Variants in JAK1 observed in about 807,000 individuals in gnomAD.
The protein encoded by JAK1 is Janus kinase 1.
Under a neutral mutation model 136.6 loss-of-function variants are expected in JAK1, and 16 were observed. The ratio of observed to expected loss-of-function variants is 0.12; its 90% CI spans 0.08 to 0.18. The LOEUF (loss-of-function observed/expected upper bound fraction) is 0.18, where lower values mean the gene tolerates loss of function less well. Among genes scored for constraint, JAK1 ranks in the 10% least tolerant of loss-of-function variants. The pLI, the probability that JAK1 is intolerant of heterozygous loss-of-function variation, is 1.00. For missense variants in JAK1, 859 were observed against 1,450.1 expected (o/e 0.59, Z 6.62); for synonymous variants, 492 against 519.5 (o/e 0.95, Z 0.72).
intron 2 of JAK1, among the ~76,000 whole-genome samples, chr1:65,009,043 T>C (rs1325307502): frequency 6.6e-6 from 1 of 152,236 alleles, no homozygotes; most frequent in Non-Finnish European, 1.5e-5. Context: ...TTAGGAAATA[T>C]ATTTAAATGC....
chr1:64,925,290 G>A (rs1570785653), intron 1 of JAK1, among the ~76,000 whole-genome samples: 1 of 151,490 alleles, frequency 6.6e-6, no homozygotes, highest in East Asian at 1.9e-4. Flanking sequence ...CACCTGTAAT[G>A]CCAGCTACTT....
intron 1 of JAK1, among the ~76,000 whole-genome samples, chr1:65,052,433 T>C (rs1053893456): frequency 2.0e-5 from 3 of 151,968 alleles, no homozygotes; most frequent in Non-Finnish European, 4.4e-5. Flanking sequence ...ATCCCAGCAC[T>C]TTGGGAGGCC....
intron 1 of JAK1, among the ~76,000 whole-genome samples, chr1:64,936,038 C>G (rs1237874104): frequency 6.6e-6 from 1 of 152,188 alleles, no homozygotes; most frequent in African/African-American, 2.4e-5. Context: ...CCTTGTCTCC[C>G]AGCCTCTAGC....
intron 1 of JAK1, among the ~76,000 whole-genome samples, chr1:64,899,667 AG>A (rs1337934966): frequency 1.3e-5 from 2 of 152,206 alleles, no homozygotes; most frequent in Non-Finnish European, 2.9e-5. Flanking sequence ...TCAATGGGTA[AG>A]CATAGTGCTA....
In JAK1 at chr1:65,002,120, G is replaced by T. The variant is rs371676140; in HGVS notation, c.-78+42360C>A. Among the ~76,000 whole-genome samples, 18 of 152,234 alleles carry T rather than the reference G, an allele frequency of 1.2e-4. 1 individual carries two copies. Among genetic ancestry groups the T allele is most frequent in the Admixed American group, 3.3e-4 (5 of 15,300 alleles). On this transcript the variant is annotated intron_variant, in intron 2 of 25. Coordinates refer to the JAK1 transcript ENST00000671954. ...TGAGGCTCAGAGTCTGCGGTATGCT[G>T]TCCAATATGTATGTATACACAAACA... is the stretch of plus-strand genomic sequence containing the variant.
chr1:64,929,971 C>T (rs1327730301), intron 1 of JAK1, among the ~76,000 whole-genome samples: 7 of 152,190 alleles, frequency 4.6e-5, no homozygotes, highest in African/African-American at 1.7e-4. Context: ...GGAAAACTGG[C>T]TAGCCATATG....
chr1:64,997,822 T>A (rs923815330), intron 2 of JAK1, among the ~76,000 whole-genome samples: 3 of 152,198 alleles, frequency 2.0e-5, no homozygotes, highest in African/African-American at 7.2e-5. Context: ...AGAGAAGGAA[T>A]GTTCTTCTCC....
intron 1 of JAK1, among the ~76,000 whole-genome samples, chr1:64,957,839 G>A (rs979395228): frequency 5.3e-5 from 8 of 152,252 alleles, no homozygotes; most frequent in East Asian, 3.8e-4. Context: ...AGCCACTTGG[G>A]AGGCTGAGGC....
At chr1:64,849,936 T>C (rs1655480063) in intron 12 of JAK1, among the ~76,000 whole-genome samples, 1 of 152,068 alleles carries the variant, frequency 6.6e-6, no homozygotes, top group African/African-American at 2.4e-5. Context: ...TAGCTGTGGA[T>C]TTCCACTCCC....
chr1:64,916,353 A>T (rs983606188), intron 1 of JAK1, among the ~76,000 whole-genome samples: 3 of 152,164 alleles, frequency 2.0e-5, no homozygotes, highest in Non-Finnish European at 4.4e-5. Context: ...AATAACAGAA[A>T]TGAAAACACA....
intron 1 of JAK1, among the ~76,000 whole-genome samples, chr1:65,067,021 G>A (rs1161127529): frequency 6.6e-6 from 1 of 152,076 alleles, no homozygotes. Flanking sequence ...GCGCAAAACC[G>A]CGGAAATGCC....
chr1:64,912,757 T>C (rs534167705), intron 1 of JAK1, among the ~76,000 whole-genome samples: 1 of 152,210 alleles, frequency 6.6e-6, no homozygotes, highest in Non-Finnish European at 1.5e-5. Context: ...AACCACTTCT[T>C]GTAAAAGTAC....
At chr1:65,048,736 A>G (rs1396782586) in intron 1 of JAK1, among the ~76,000 whole-genome samples, 1 of 152,186 alleles carries the variant, frequency 6.6e-6, no homozygotes, top group African/African-American at 2.4e-5. Flanking sequence ...GCTACCTTTA[A>G]TCAGCCTGAG....
intron 1 of JAK1, among the ~76,000 whole-genome samples, chr1:64,924,631 G>A (rs745795626): frequency 1.3e-5 from 2 of 152,228 alleles, no homozygotes; most frequent in Admixed American, 6.5e-5. Flanking sequence ...GTCTGAGGAA[G>A]TGGGTGGTAG....
intron 2 of JAK1, among the ~76,000 whole-genome samples, chr1:65,017,731 T>C (rs1248077878): frequency 6.6e-6 from 1 of 151,964 alleles, no homozygotes; most frequent in African/African-American, 2.4e-5. Flanking sequence ...AGCATCTCCA[T>C]GTTTGGAAAA....
At chr1:64,860,763 T>TTA (rs1656255201) in intron 8 of JAK1, among the ~76,000 whole-genome samples, 1 of 151,892 alleles carries the variant, frequency 6.6e-6, no homozygotes, top group Admixed American at 6.6e-5. Context: ...CCCCTTGCAT[T>TTA]TATATAGGAC....
intron 10 of JAK1, among the ~76,000 whole-genome samples, chr1:64,856,844 T>G (rs547872835): frequency 1.6e-5 from 2 of 126,426 alleles, no homozygotes; most frequent in South Asian, 4.6e-4. Flanking sequence ...CCCCAGGGGT[T>G]CGCCAATAAG....
At chr1:64,854,646 T>C (rs1028769337) in intron 11 of JAK1, among the ~76,000 whole-genome samples, 1 of 151,324 alleles carries the variant, frequency 6.6e-6, no homozygotes, top group Non-Finnish European at 1.5e-5. Context: ...GTGACGCCAT[T>C]CAAGAGGCTT....
chr1:64,892,164 A>G (rs143433370), intron 1 of JAK1, among the ~76,000 whole-genome samples: 64 of 152,348 alleles, frequency 4.2e-4, no homozygotes, highest in African/African-American at 1.5e-3. Flanking sequence ...AGCAATGAAT[A>G]TAAGATTTAG....
Sources: gnomAD v4.1 joint callset for allele counts (sites outside exome capture counted in the v4.1 genomes callset) on GRCh38, gnomAD v4.1.1 for gene constraint, MANE v1.5 for transcripts, NCBI Gene and HGNC (gene_info 2026-07-23, HGNC 2026-07-21) for gene names.